The following TBCD variants were observed in gnomAD, a reference collection of about 807,000 sequenced individuals.
TBCD encodes the protein tubulin folding cofactor D, also known as tubulin-specific chaperone D.
Under a neutral mutation model 169.3 loss-of-function variants are expected in TBCD, and 105 were observed. That is an observed-to-expected ratio of 0.62 (90% confidence interval 0.53 to 0.73). The LOEUF (loss-of-function observed/expected upper bound fraction) is 0.73, where lower values mean the gene tolerates loss of function less well. Among genes scored for constraint, TBCD ranks in the 30% least tolerant of loss-of-function variants. The pLI is 0.00. For missense variants in TBCD, 1,444 were observed against 1,600.1 expected (o/e 0.90, Z 1.66); for synonymous variants, 700 against 643.9 (o/e 1.09, Z -1.32).
At chr17:82,935,808 TTC>T (rs1453109853) in intron 34 of TBCD, among the ~76,000 whole-genome samples, 1 of 152,158 alleles carries the variant, frequency 6.6e-6, no homozygotes, top group African/African-American at 2.4e-5. Context: ...CGTTTTTACT[TTC>T]TTTGTCTCTC....
chr17:82,909,348 A>C, intron 22 of TBCD, 41 bp downstream of exon 22: 1 of 1,490,584 alleles, frequency 6.7e-7, no homozygotes, highest in Non-Finnish European at 9.1e-7. Flanking sequence ...CTGTGTCCTA[A>C]TGAAGAACTG....
In TBCD at chr17:82,768,546, C is replaced by A. The variant is rs558681233; in HGVS notation, c.562C>A (p.Arg188Ser). 1 of 1,613,906 alleles carries A rather than the reference C, an allele frequency of 6.2e-7. No homozygotes were observed. Among genetic ancestry groups the A allele is most frequent in the East Asian group, 2.2e-5 (1 of 44,886 alleles). ...GCAAGCACGAATGTCCATAATGGACCGTATTCTCCAAATAGCAGAGGTAAA... is the reference window on the plus strand; with the variant it reads ...GCAAGCACGAATGTCCATAATGGACAGTATTCTCCAAATAGCAGAGGTAAA... ...PGQARMSIMD[R>S]ILQIAESYLI... Residue 188 changes from arginine (R) to serine (S), a missense_variant, in exon 5 of 39, where the codon CGT (arginine) becomes AGT (serine). Arg to Ser is a moderately radical substitution (Grantham distance 110). Coordinates refer to ENST00000355528, the MANE Select transcript of TBCD (RefSeq NM_005993.5).
chr17:82,844,727 G>A (rs1290802362), intron 13 of TBCD, among the ~76,000 whole-genome samples: 1 of 148,750 alleles, frequency 6.7e-6, no homozygotes, highest in South Asian at 2.2e-4. Flanking sequence ...GATTTTACCC[G>A]CTATTTTTTA....
At chr17:82,785,752 T>C (rs2049270072) in intron 7 of TBCD, among the ~76,000 whole-genome samples, 1 of 137,042 alleles carries the variant, frequency 7.3e-6, no homozygotes, top group African/African-American at 2.9e-5. Flanking sequence ...GGGAGGGGGG[T>C]CCATGCTGTG....
At chr17:82,873,543 C>A (rs1404306395) in intron 14 of TBCD, among the ~76,000 whole-genome samples, 1 of 152,188 alleles carries the variant, frequency 6.6e-6, no homozygotes, top group Non-Finnish European at 1.5e-5. Flanking sequence ...CGCTACTGGA[C>A]GGGGCTGGCA....
At chr17:82,795,218 A>G (rs1477303026) in intron 7 of TBCD, among the ~76,000 whole-genome samples, 1 of 152,194 alleles carries the variant, frequency 6.6e-6, no homozygotes, top group Non-Finnish European at 1.5e-5. Context: ...AGTGAGAGAA[A>G]CCAGACGACG....
At chr17:82,752,455 A>G in intron 1 of TBCD, 78 bp downstream of exon 1, 1 of 1,106,368 alleles carries the variant, frequency 9.0e-7, no homozygotes, top group East Asian at 4.2e-5. Flanking sequence ...CCGGGCGGGG[A>G]CCGCAGCCCG....
chr17:82,850,791 A>G (rs1436921119), intron 13 of TBCD, among the ~76,000 whole-genome samples: 1 of 152,238 alleles, frequency 6.6e-6, no homozygotes, highest in Non-Finnish European at 1.5e-5. Context: ...GTGAGTCTGG[A>G]CTGACTCAGC....
In TBCD at chr17:82,832,693, C is replaced by T. The variant is rs971792846; in HGVS notation, c.1318+17759C>T. The T allele has an allele frequency of 8.0e-5, 45 of 564,914 alleles. No homozygotes were observed. The Middle Eastern group carries it at 2.3e-3, about 29-fold the overall frequency. 35.0% of individuals were successfully genotyped at this position (564,914 alleles called of 1,614,324 possible). A position where few individuals can be genotyped will look rare whatever the true frequency, so the allele number is the denominator to read the frequency against. Reference sequence around the variant, plus strand: ...AGCGAGTGAGGGGTCGGCGAGAAGCCGGCCTCGGCTCGCCACAGTGCCACA... The same window carrying T: ...AGCGAGTGAGGGGTCGGCGAGAAGCTGGCCTCGGCTCGCCACAGTGCCACA... On this transcript the variant is annotated intron_variant, in intron 13 of 38. Transcript: ENST00000355528. The surrounding 1 kb of genome is among the most constrained non-coding windows in gnomAD (Gnocchi z 4.9).
intron 14 of TBCD, among the ~76,000 whole-genome samples, chr17:82,876,026 C>T (rs902584224): frequency 1.3e-5 from 2 of 152,156 alleles, no homozygotes; most frequent in Non-Finnish European, 2.9e-5. Context: ...TTTTAAATGT[C>T]TGACTTTCAA....
At position 82,920,727 on chromosome 17, in the gene TBCD, G is replaced by A. The variant is rs944970405; in HGVS notation, c.2101+109G>A. 12 of 1,002,288 alleles carry A rather than the reference G, an allele frequency of 1.2e-5. No homozygotes were observed. In the African/African-American group the frequency reaches 1.5e-4, roughly 12 times the overall value. The allele number at this position is 1,002,288 out of a possible 1,614,324, so 62.1% of individuals were successfully genotyped here. ...GGCGATAAACGATTATAGCTTAAAG[G>A]TTCAAGATATTAATCGGATACGTTG... is the stretch of plus-strand genomic sequence containing the variant. On this transcript the variant is annotated intron_variant, in intron 24 of 38. Coordinates refer to ENST00000355528, the MANE Select transcript of TBCD (RefSeq NM_005993.5). This position sits in a 1 kb window ranked among gnomAD's most constrained non-coding sequence, Gnocchi z 4.1.
chr17:82,881,797 A>G (rs531662162), intron 14 of TBCD, among the ~76,000 whole-genome samples: 1 of 152,116 alleles, frequency 6.6e-6, no homozygotes, highest in Non-Finnish European at 1.5e-5. Context: ...TCCTATGTTT[A>G]TGCTATATTG....
In TBCD at chr17:82,860,209, AGCTGTGG is replaced by A. The variant is rs2056640093; in HGVS notation, c.1319-10012_1319-10006del. Among the ~76,000 whole-genome samples the A allele has an allele frequency of 3.3e-5, 5 of 152,334 alleles. 1 individual carries two copies. The South Asian group carries it at 1.0e-3, about 32-fold the overall frequency. ...GTTGTGCTTGAGCCACTCTGTCATT[AGCTGTGG>A]GCGTTCCGAGTGCCAGCGCACAGTG... is the stretch of plus-strand genomic sequence containing the variant. On this transcript the variant is annotated intron_variant, in intron 13 of 38. Transcript: ENST00000355528.
chr17:82,906,985 C>T (rs1001256494), intron 20 of TBCD, among the ~76,000 whole-genome samples: 1 of 152,230 alleles, frequency 6.6e-6, no homozygotes, highest in Non-Finnish European at 1.5e-5. Context: ...GTGTCATTCC[C>T]CCAGCAGTGA....
At chr17:82,857,578 TTTG>T (rs1567901610) in intron 13 of TBCD, among the ~76,000 whole-genome samples, 1 of 152,094 alleles carries the variant, frequency 6.6e-6, no homozygotes, top group Non-Finnish European at 1.5e-5. Context: ...TAAAAAGTAT[TTTG>T]TTTTTTTGTT....
At chr17:82,799,194 C>T (rs2050317106) in intron 8 of TBCD, among the ~76,000 whole-genome samples, 1 of 152,100 alleles carries the variant, frequency 6.6e-6, no homozygotes, top group African/African-American at 2.4e-5. Context: ...CCTGTAATCC[C>T]AGCGCTTTGG....
At chr17:82,816,754 T>C (rs894995226) in intron 13 of TBCD, among the ~76,000 whole-genome samples, 9 of 150,820 alleles carry the variant, frequency 6.0e-5, no homozygotes, top group African/African-American at 2.2e-4. Flanking sequence ...CCCAGGCTGG[T>C]CTTGAAGTCC....
At chr17:82,876,882 A>G (rs2058014533) in intron 14 of TBCD, 12 of 762,830 alleles carry the variant, frequency 1.6e-5, no homozygotes, top group African/African-American at 1.9e-5. Context: ...CGGGAGAGGG[A>G]GCCGGGAGTG....
chr17:82,931,110 C>A (rs1410273604), intron 33 of TBCD, among the ~76,000 whole-genome samples: 2 of 152,216 alleles, frequency 1.3e-5, no homozygotes, highest in African/African-American at 4.8e-5. Flanking sequence ...AGAGTATAGA[C>A]CCTGTGGGCC....
Sources: gnomAD v4.1 joint callset for allele counts (sites outside exome capture counted in the v4.1 genomes callset) on GRCh38, gnomAD v4.1.1 for gene constraint, Gnocchi (gnomAD v3.1) non-coding constraint, MANE v1.5 for transcripts, NCBI Gene and HGNC (gene_info 2026-07-23, HGNC 2026-07-21) for gene names.